Variants in SAMMSON observed in about 807,000 individuals in gnomAD.
SAMMSON encodes long intergenic non-protein coding RNA 1212.
chr3:70,113,925 A>G (rs186706586), intron 4 of SAMMSON, among the ~76,000 whole-genome samples: 41 of 152,316 alleles, frequency 2.7e-4, no homozygotes, highest in African/African-American at 7.7e-4. Flanking sequence ...GAGGGCCCTC[A>G]TTAGGAAGCA....
At chr3:70,082,053 C>G (rs2067269730) in intron 4 of SAMMSON, among the ~76,000 whole-genome samples, 1 of 152,154 alleles carries the variant, frequency 6.6e-6, no homozygotes, top group Non-Finnish European at 1.5e-5. Context: ...GGAGGCCCTG[C>G]TTTGACTGTT....
chr3:70,092,215 T>A lies in SAMMSON; in HGVS notation n.507+20650T>A, dbSNP rs762479120. ...GGAATTAGATGAGGTTTTCAAAGAT[T>A]ATGCTCCTGAAGCTATATATAGTTT... On this transcript the variant is annotated intron_variant and non_coding_transcript_variant, in intron 4 of 9. Transcript: ENST00000642114. Among the ~76,000 whole-genome samples the A allele has an allele frequency of 1.5e-4, 23 of 152,268 alleles. No individual in the cohort carries two copies. The Middle Eastern group carries it at 0.014, about 90-fold the overall frequency.
intron 1 of SAMMSON, among the ~76,000 whole-genome samples, chr3:70,010,949 G>A (rs1438563181): frequency 6.6e-6 from 1 of 152,030 alleles, no homozygotes; most frequent in African/African-American, 2.4e-5. Context: ...CTGTTGCCTG[G>A]TTCCAACCTT....
intron 2 of SAMMSON, among the ~76,000 whole-genome samples, chr3:70,432,282 A>C (rs1701420457): frequency 6.6e-6 from 1 of 151,466 alleles, no homozygotes; most frequent in Non-Finnish European, 1.5e-5. Context: ...TTGACTGTTA[A>C]TATCTCTTCT....
chr3:70,144,064 T>C (rs935696618), intron 4 of SAMMSON, among the ~76,000 whole-genome samples: 14 of 152,156 alleles, frequency 9.2e-5, no homozygotes, highest in Admixed American at 1.3e-4. Context: ...ATGCTAACTA[T>C]GCATTTAAAA....
chr3:70,314,042 G>A (rs1038821147), intron 7 of SAMMSON, among the ~76,000 whole-genome samples: 1 of 152,036 alleles, frequency 6.6e-6, no homozygotes, highest in African/African-American at 2.4e-5. Context: ...TACCTTGAAG[G>A]CTTCTTCATC....
intron 3 of SAMMSON, among the ~76,000 whole-genome samples, chr3:70,028,160 TTCCTTCC>T (rs2067049657): frequency 7.2e-6 from 1 of 138,702 alleles, no homozygotes; most frequent in Admixed American, 7.7e-5. Flanking sequence ...CCTTCCTTCC[TTCCTTCC>T]TTCCTTCCTT....
intron 6 of SAMMSON, among the ~76,000 whole-genome samples, chr3:70,264,428 C>T (rs777777169): frequency 6.6e-6 from 1 of 152,208 alleles, no homozygotes; most frequent in African/African-American, 2.4e-5. Context: ...TGTCTAAGAA[C>T]TGAATATCGG....
chr3:70,212,735 T>C (rs1473073432), intron 4 of SAMMSON, among the ~76,000 whole-genome samples: 1 of 152,146 alleles, frequency 6.6e-6, no homozygotes, highest in African/African-American at 2.4e-5. Flanking sequence ...ACACACATCA[T>C]GAACACACAC....
intron 2 of SAMMSON, among the ~76,000 whole-genome samples, chr3:70,420,699 G>T (rs968532561): frequency 3.3e-5 from 5 of 152,308 alleles, no homozygotes; most frequent in East Asian, 3.9e-4. Context: ...TAGATTCAGA[G>T]ATAAAATCCA....
intron 9 of SAMMSON, among the ~76,000 whole-genome samples, chr3:70,369,455 C>T (rs1182998603): frequency 6.6e-6 from 1 of 151,350 alleles, no homozygotes; most frequent in African/African-American, 2.4e-5. Context: ...TTCTGTAAGA[C>T]AATTATGTCA....
chr3:70,086,355 C>A (rs893191433), intron 4 of SAMMSON, among the ~76,000 whole-genome samples: 2 of 152,066 alleles, frequency 1.3e-5, no homozygotes, highest in African/African-American at 4.8e-5. Context: ...TTAACCAAGA[C>A]GAATTTGGGT....
intron 7 of SAMMSON, among the ~76,000 whole-genome samples, chr3:70,353,919 G>T (rs1316432756): frequency 6.6e-6 from 1 of 152,058 alleles, no homozygotes; most frequent in Non-Finnish European, 1.5e-5. Flanking sequence ...CAATTTCCAG[G>T]GATATATGCT....
intron 2 of SAMMSON, among the ~76,000 whole-genome samples, chr3:70,426,120 A>G (rs1701364426): frequency 6.6e-6 from 1 of 152,208 alleles, no homozygotes; most frequent in South Asian, 2.1e-4. Flanking sequence ...GTAATCCAGT[A>G]ATATTGAGTT....
chr3:70,019,062 A>T (rs2066999321), intron 3 of SAMMSON, among the ~76,000 whole-genome samples: 1 of 152,102 alleles, frequency 6.6e-6, no homozygotes, highest in Admixed American at 6.6e-5. Flanking sequence ...TATTCTGTTG[A>T]TTTGGGGTGG....
At chr3:70,137,224 A>C (rs186029872) in intron 4 of SAMMSON, among the ~76,000 whole-genome samples, 15 of 152,326 alleles carry the variant, frequency 9.8e-5, no homozygotes, top group Non-Finnish European at 1.9e-4. Flanking sequence ...TCTACATACT[A>C]CTTTGCAATA....
chr3:70,124,688 G>A (rs2067448346), intron 4 of SAMMSON, among the ~76,000 whole-genome samples: 3 of 151,460 alleles, frequency 2.0e-5, no homozygotes, highest in African/African-American at 4.8e-5. Flanking sequence ...GGTGGCGGGC[G>A]CCTGTAGTCC....
rs1488433917 is a variant in SAMMSON at position 70,117,754 on chromosome 3, T to C, written n.507+46189T>C. Among the ~76,000 whole-genome samples the C allele has an allele frequency of 2.0e-5, 3 of 152,264 alleles. No individual in the cohort carries two copies. In the East Asian group the frequency reaches 5.8e-4, roughly 29 times the overall value. On this transcript the variant is annotated intron_variant and non_coding_transcript_variant, in intron 4 of 9. Coordinates refer to ENST00000642114, the Ensembl canonical transcript of SAMMSON. ...GATCTCAATTTAGATACCTGCTTGG[T>C]CCACAGTGCAACTTGATAATTGTTT...
chr3:70,126,405 C>T (rs2067459132), intron 4 of SAMMSON: 1 of 815,080 alleles, frequency 1.2e-6, no homozygotes, highest in Non-Finnish European at 2.1e-6. Flanking sequence ...GGGAATGTGG[C>T]AAAAGCTGTA....
Sources: gnomAD v4.1 joint callset for allele counts (sites outside exome capture counted in the v4.1 genomes callset) on GRCh38, gnomAD v4.1.1 for gene constraint, MANE v1.5 for transcripts, NCBI Gene and HGNC (gene_info 2026-07-23, HGNC 2026-07-21) for gene names.